Variants in ANK1 observed in about 807,000 individuals in gnomAD.
The protein encoded by ANK1 is ankyrin-1.
A neutral mutation model predicts 210.4 loss-of-function variants in ANK1; 51 were observed. The observed-to-expected ratio is 0.24, with a 90% CI of 0.19 to 0.31. The LOEUF is 0.31. ANK1 is among the 10% of genes least tolerant of loss of function. The pLI, the probability that ANK1 is intolerant of heterozygous loss-of-function variation, is 1.00. For missense variants in ANK1, 2,051 were observed against 2,504.4 expected (o/e 0.82, Z 3.86); for synonymous variants, 967 against 1,025.9 (o/e 0.94, Z 1.10).
chr8:41,696,497 C>T lies in ANK1; in HGVS notation c.2826G>A (p.Thr942=), dbSNP rs7002295. The T allele has an allele frequency of 2.1e-4, 341 of 1,613,530 alleles. 1 individual carries two copies. The African/African-American group carries it at 3.8e-3, about 18-fold the overall frequency. The stretch of plus-strand genomic sequence containing the variant: ...AGGTGATGCGGGTGGGCGCTGCGCA[C>T]GTCCGTGGCGGGATCACCACTCGCA... The part of the protein sequence containing the change: ...NGLRVVIPPR[T]CAAPTRITCR... Residue 942 remains threonine, a synonymous_variant, in exon 26 of 43, where the codon ACG becomes ACA. Transcript: ENST00000289734.
In ANK1 at chr8:41,790,470, CACTATCCTA is replaced by C. The variant is rs1369534761; in HGVS notation, c.27+7033_27+7041del. Reference sequence around the variant, plus strand: ...CCTGGGAAGGAATCTTGAGCCCAGTCACTATCCTAAGTCAGGGAGCTCAGGGAGCTCAGG... The same window carrying C: ...CCTGGGAAGGAATCTTGAGCCCAGTCAGTCAGGGAGCTCAGGGAGCTCAGG... On this transcript the variant is annotated intron_variant, in intron 1 of 42. Coordinates refer to ENST00000289734, the MANE Select transcript of ANK1 (RefSeq NM_000037.4). 5.9e-5 allele frequency among the ~76,000 whole-genome samples: 9 copies of C among 152,208 alleles called. No individual in the cohort carries two copies. In the East Asian group the frequency reaches 1.7e-3, roughly 29 times the overall value.
At chr8:41,698,857 C>G (rs1387219431) in intron 23 of ANK1, among the ~76,000 whole-genome samples, 2 of 151,808 alleles carry the variant, frequency 1.3e-5, no homozygotes, top group Non-Finnish European at 2.9e-5. Flanking sequence ...AGTGCAGTGG[C>G]GCGATCTTGG....
chr8:41,881,958 G>A (rs964041229), intron 1 of ANK1, among the ~76,000 whole-genome samples: 2 of 152,182 alleles, frequency 1.3e-5, no homozygotes, highest in African/African-American at 4.8e-5. Flanking sequence ...TTTCCTGCTA[G>A]TAGCTGGGTG....
At chr8:41,755,047 T>C (rs931136201) in intron 2 of ANK1, among the ~76,000 whole-genome samples, 6 of 152,334 alleles carry the variant, frequency 3.9e-5, no homozygotes, top group African/African-American at 1.4e-4. Context: ...AGTGTCCTCT[T>C]TAAGAGAGAG....
rs1280370659 is a variant in ANK1 at position 41,770,214 on chromosome 8, C to G, written c.28-12077G>C. 4.6e-5 allele frequency among the ~76,000 whole-genome samples: 7 copies of G among 152,226 alleles called. No individual in the cohort carries two copies. The East Asian group carries it at 1.4e-3, about 29-fold the overall frequency. On this transcript the variant is annotated intron_variant, in intron 1 of 42. Transcript: ENST00000289734. ...GTCAGGCTGGTCTTGAACTCCTGAC[C>G]TCAGGTGCTCTGCCCGCCTCGGCCT...
chr8:41,743,504 TCTC>T (rs1455395207), intron 2 of ANK1, among the ~76,000 whole-genome samples: 1 of 152,108 alleles, frequency 6.6e-6, no homozygotes, highest in African/African-American at 2.4e-5. Context: ...TTCTCATCCT[TCTC>T]CTTCCCTCCC....
intron 17 of ANK1, among the ~76,000 whole-genome samples, chr8:41,707,715 C>A (rs1300650945): frequency 1.3e-5 from 2 of 152,178 alleles, no homozygotes; most frequent in African/African-American, 2.4e-5. Context: ...ACCCAGAATG[C>A]CATGAGATAT....
chr8:41,775,242 A>G (rs567649351), intron 1 of ANK1, among the ~76,000 whole-genome samples: 26 of 152,194 alleles, frequency 1.7e-4, no homozygotes, highest in Non-Finnish European at 3.5e-4. Flanking sequence ...TGCCATCTGG[A>G]GCAGGCGGGG....
chr8:41,704,729 G>A lies in ANK1; in HGVS notation c.2098-257C>T, dbSNP rs540453211. 5.3e-5 allele frequency among the ~76,000 whole-genome samples: 8 copies of A among 152,286 alleles called. No homozygotes were observed. Among genetic ancestry groups the A allele is most frequent in the Non-Finnish European group, 1.0e-4 (7 of 68,022 alleles). ...AGAGGGCTATGCTGGGGTCGTCAGTGCATGGGAGATCTGAGAGCTTTGGAG... is the reference window on the plus strand; with the variant it reads ...AGAGGGCTATGCTGGGGTCGTCAGTACATGGGAGATCTGAGAGCTTTGGAG... On this transcript the variant is annotated intron_variant, in intron 18 of 42. Transcript: ENST00000289734. The surrounding 1 kb of genome is among the most constrained non-coding windows in gnomAD (Gnocchi z 4.1).
chr8:41,677,922 T>G (rs1685323), intron 37 of ANK1, among the ~76,000 whole-genome samples: 84,154 of 151,972 alleles, frequency 0.55, 23,599 homozygotes, highest in East Asian at 0.67. Context: ...AGAAATCTGA[T>G]GTGAATCTTA....
intron 1 of ANK1, 63 bp from the exon 2 acceptor site, chr8:41,758,200 C>T: frequency 6.9e-7 from 1 of 1,451,080 alleles, no homozygotes; most frequent in Middle Eastern, 2.4e-4. Flanking sequence ...CCACCCCGTT[C>T]AAGTCCCAGG....
At chr8:41,860,798 G>C (rs1813124422) in intron 1 of ANK1, among the ~76,000 whole-genome samples, 1 of 152,144 alleles carries the variant, frequency 6.6e-6, no homozygotes, top group Admixed American at 6.5e-5. Context: ...ATTGCTGTGG[G>C]GGCCAAATGA....
intron 2 of ANK1, among the ~76,000 whole-genome samples, chr8:41,748,859 T>C (rs55719532): frequency 0.011 from 1,741 of 152,092 alleles, 42 homozygotes; most frequent in African/African-American, 0.039. Flanking sequence ...CACAGTGAAA[T>C]CCCGTCTCTG....
chr8:41,828,205 C>G (rs1805859193), intron 1 of ANK1: 2 of 152,446 alleles, frequency 1.3e-5, no homozygotes, highest in African/African-American at 4.8e-5. Context: ...AGGCTGCGAG[C>G]TAGAGGAGGA....
intron 37 of ANK1, among the ~76,000 whole-genome samples, chr8:41,683,610 G>C (rs1816799418): frequency 6.6e-6 from 1 of 152,246 alleles, no homozygotes; most frequent in Non-Finnish European, 1.5e-5. Flanking sequence ...AGGAAGCCAC[G>C]TCACAGACAT....
At chr8:41,698,388 C>G (rs1026662432) in intron 23 of ANK1, among the ~76,000 whole-genome samples, 7 of 152,336 alleles carry the variant, frequency 4.6e-5, no homozygotes, top group East Asian at 3.9e-4. Context: ...GCTACATGAC[C>G]ACTTGGTGTG....
Position 41,725,752 on chromosome 8 carries a change from C to T in ANK1, c.612+9G>A. 6.2e-7 allele frequency: 1 copy of T among 1,607,920 alleles called. No individual in the cohort carries two copies. The highest frequency in any genetic ancestry group is 8.5e-7 in the Non-Finnish European group (1 of 1,178,940). ...CGGCCCAAGGCTCCTCCCTCCTCCTCGCCCTCACCTTGGAAAGCACGTCCG... is the reference window on the plus strand; with the variant it reads ...CGGCCCAAGGCTCCTCCCTCCTCCTTGCCCTCACCTTGGAAAGCACGTCCG... On this transcript the variant is annotated intron_variant, in intron 6 of 42. Coordinates refer to ENST00000289734, the MANE Select transcript of ANK1 (RefSeq NM_000037.4).
chr8:41,696,791 G>T lies in ANK1; in HGVS notation c.2638-18C>A. On this transcript the variant is annotated intron_variant, in intron 24 of 42. Coordinates refer to ENST00000289734, the MANE Select transcript of ANK1 (RefSeq NM_000037.4). The stretch of plus-strand genomic sequence containing the variant: ...TTAGATGCCTGAGGAGAGAGAAAGG[G>T]TCCTCCTGTCCCACCTCCTCCCGGG... 3 of 1,591,688 alleles carry T rather than the reference G, an allele frequency of 1.9e-6. No individual in the cohort carries two copies. Among genetic ancestry groups the T allele is most frequent in the Non-Finnish European group, 2.6e-6 (3 of 1,173,894 alleles).
At chr8:41,779,850 G>A (rs748666588) in intron 1 of ANK1, among the ~76,000 whole-genome samples, 24 of 152,294 alleles carry the variant, frequency 1.6e-4, no homozygotes, top group African/African-American at 3.8e-4. Context: ...GTCGGCCACC[G>A]CAAGCATTCT....
Sources: allele counts gnomAD v4.1 joint callset (sites outside exome capture counted in the v4.1 genomes callset), GRCh38; gene constraint gnomAD v4.1.1; non-coding constraint Gnocchi (gnomAD v3.1); transcripts MANE v1.5; gene names NCBI Gene and HGNC (gene_info 2026-07-23, HGNC 2026-07-21).